Variants in ITPRID1 observed in about 807,000 individuals in gnomAD.
ITPRID1 encodes the protein ITPR interacting domain containing 1.
A neutral mutation model predicts 95.4 loss-of-function variants in ITPRID1; 96 were observed. That is an observed-to-expected ratio of 1.01 (90% CI 0.85 to 1.19). The LOEUF (loss-of-function observed/expected upper bound fraction) is 1.19. Ranked by LOEUF, ITPRID1 falls within the 50% of genes most tolerant of loss-of-function variation. The probability of loss-of-function intolerance (pLI) is 0.00; values close to 1 mark genes in which losing one functional copy is unlikely to be tolerated. For synonymous variants in ITPRID1, 510 were observed against 453.6 expected, an observed-to-expected ratio of 1.12 and a Z score of -1.58; for missense variants, 1,339 against 1,252.9, an observed-to-expected ratio of 1.07 and a Z score of -1.04.
chr7:31,620,667 G>C (rs1300524056), intron 10 of ITPRID1, among the ~76,000 whole-genome samples: 2 of 150,510 alleles, frequency 1.3e-5, no homozygotes, highest in South Asian at 2.1e-4. Flanking sequence ...GGAAAAAACA[G>C]AACAGAAAAA....
At chr7:31,629,994 A>G (rs1402412935) in intron 10 of ITPRID1, among the ~76,000 whole-genome samples, 1 of 152,178 alleles carries the variant, frequency 6.6e-6, no homozygotes, top group Non-Finnish European at 1.5e-5. Flanking sequence ...GAAGAAACAC[A>G]CACACACAAA....
intron 9 of ITPRID1, among the ~76,000 whole-genome samples, chr7:31,578,723 TG>T (rs1207438610): frequency 6.6e-6 from 1 of 152,216 alleles, no homozygotes; most frequent in Non-Finnish European, 1.5e-5. Flanking sequence ...TGTACCTGTA[TG>T]TATGCTTTTT....
chr7:31,578,514 A>G (rs1785281046), intron 9 of ITPRID1, 80 bp downstream of exon 9: 5 of 1,019,058 alleles, frequency 4.9e-6, no homozygotes. Context: ...CCCTCATTTC[A>G]CCACTTCATC....
chr7:31,536,624 T>A (rs1051454496), intron 1 of ITPRID1, among the ~76,000 whole-genome samples: 1 of 152,188 alleles, frequency 6.6e-6, no homozygotes, highest in African/African-American at 2.4e-5. Context: ...AGGAACATCC[T>A]TTTTTTCTAT....
chr7:31,570,182 A>C (rs1470341627), intron 6 of ITPRID1, among the ~76,000 whole-genome samples: 1 of 152,172 alleles, frequency 6.6e-6, no homozygotes, highest in Non-Finnish European at 1.5e-5. Context: ...CTGGACAACA[A>C]TATATACAAT....
chr7:31,598,836 C>A (rs1786220238), intron 10 of ITPRID1, among the ~76,000 whole-genome samples: 1 of 152,130 alleles, frequency 6.6e-6, no homozygotes, highest in Non-Finnish European at 1.5e-5. Flanking sequence ...CTGTTATAAT[C>A]AGGAGCAGAT....
At chr7:31,522,842 G>A (rs1783309422) in intron 1 of ITPRID1, among the ~76,000 whole-genome samples, 1 of 152,232 alleles carries the variant, frequency 6.6e-6, no homozygotes, top group Middle Eastern at 3.4e-3. Context: ...TAACTTAAAG[G>A]TATAAATAGA....
chr7:31,617,338 AG>A (rs1464546299), intron 10 of ITPRID1, among the ~76,000 whole-genome samples: 2 of 152,212 alleles, frequency 1.3e-5, no homozygotes, highest in African/African-American at 4.8e-5. Context: ...TTAAAGAATA[AG>A]TGTTAAATTT....
downstream of ITPRID1, among the ~76,000 whole-genome samples, chr7:31,657,136 A>C (rs1487292033): frequency 4.0e-3 from 1 of 250 alleles, no homozygotes; most frequent in Non-Finnish European, 9.3e-3. Flanking sequence ...TCAAATATAT[A>C]TAATCATATA....
chr7:31,643,464 T>C lies in ITPRID1; in HGVS notation c.2094T>C (p.Leu698=). 1 of 1,613,954 alleles carries C rather than the reference T, an allele frequency of 6.2e-7. No individual in the cohort carries two copies. Among genetic ancestry groups the C allele is most frequent in the Non-Finnish European group, 8.5e-7 (1 of 1,179,872 alleles). Residue 698 remains leucine (L), a synonymous_variant, in exon 12 of 15, where the codon CTT becomes CTC. Transcript: ENST00000615280. ...LPGTEAEMEN[L]PLNTGSSRSV... is the part of the protein sequence containing the mutation. ...GGACAGAAGCTGAGATGGAAAACCTTCCTCTAAATACTGGCAGCTCCAGGT... is the reference window on the plus strand; with the variant it reads ...GGACAGAAGCTGAGATGGAAAACCTCCCTCTAAATACTGGCAGCTCCAGGT...
intron 10 of ITPRID1, among the ~76,000 whole-genome samples, chr7:31,626,648 G>C (rs1196936678): frequency 6.6e-6 from 1 of 152,158 alleles, no homozygotes; most frequent in East Asian, 1.9e-4. Context: ...GTGACACCAT[G>C]CTGTAAAGGA....
intron 10 of ITPRID1, among the ~76,000 whole-genome samples, chr7:31,597,686 C>G (rs1236560138): frequency 6.6e-6 from 1 of 151,994 alleles, no homozygotes; most frequent in Non-Finnish European, 1.5e-5. Flanking sequence ...AACTCCATAT[C>G]AAAAAGAAAT....
chr7:31,609,619 A>G (rs1032214775), intron 10 of ITPRID1, among the ~76,000 whole-genome samples: 40 of 151,716 alleles, frequency 2.6e-4, no homozygotes, highest in African/African-American at 9.4e-4. Context: ...TTTTATTTCT[A>G]GAAAATTAGT....
At chr7:31,536,285 T>C (rs1016227455) in intron 1 of ITPRID1, among the ~76,000 whole-genome samples, 2 of 152,212 alleles carry the variant, frequency 1.3e-5, no homozygotes, top group African/African-American at 4.8e-5. Context: ...TCATTTCTAG[T>C]ACCACATTAT....
intron 10 of ITPRID1, among the ~76,000 whole-genome samples, chr7:31,596,310 G>A (rs997420653): frequency 2.0e-5 from 3 of 151,290 alleles, no homozygotes; most frequent in Admixed American, 6.6e-5. Context: ...ATAATTTCTT[G>A]TTTATGTAAG....
At chr7:31,588,560 G>T (rs1199689269) in intron 10 of ITPRID1, among the ~76,000 whole-genome samples, 1 of 145,014 alleles carries the variant, frequency 6.9e-6, no homozygotes, top group Non-Finnish European at 1.5e-5. Context: ...GAACCTGGGA[G>T]ACAGAGGTTG....
intron 10 of ITPRID1, among the ~76,000 whole-genome samples, chr7:31,586,756 G>C (rs1203048437): frequency 1.3e-5 from 2 of 151,900 alleles, no homozygotes; most frequent in Non-Finnish European, 2.9e-5. Flanking sequence ...TGTCAGATGA[G>C]TAGGTTGCGA....
intron 14 of ITPRID1, 79 bp downstream of exon 14, chr7:31,652,129 G>A: frequency 9.5e-7 from 1 of 1,051,884 alleles, no homozygotes; most frequent in Non-Finnish European, 1.4e-6. Context: ...ACTTGATTGT[G>A]CAATCATTTC....
chr7:31,516,180 T>C (rs181132900), intron 1 of ITPRID1, among the ~76,000 whole-genome samples: 1 of 152,192 alleles, frequency 6.6e-6, no homozygotes, highest in Non-Finnish European at 1.5e-5. Flanking sequence ...AGATTAATAA[T>C]AAACCCTCTT....
Sources: gnomAD v4.1 joint callset for allele counts (sites outside exome capture counted in the v4.1 genomes callset) on GRCh38, gnomAD v4.1.1 for gene constraint, MANE v1.5 for transcripts, NCBI Gene and HGNC (gene_info 2026-07-23, HGNC 2026-07-21) for gene names.